The following GOLT1A variants were observed in gnomAD, a reference collection of about 807,000 sequenced individuals.
GOLT1A encodes the protein golgi transport 1A, also known as vesicle transport protein GOT1A.
A neutral mutation model predicts 16.1 loss-of-function variants in GOLT1A; 10 were observed. The observed-to-expected ratio is 0.62, with a 90% CI of 0.38 to 1.05. GOLT1A has a LOEUF of 1.05. Among genes scored for constraint, GOLT1A ranks in the 50% least tolerant of loss-of-function variants. The pLI, the probability that GOLT1A is intolerant of heterozygous loss-of-function variation, is 0.01. For synonymous variants in GOLT1A, 60 were observed against 67.9 expected, an observed-to-expected ratio of 0.88 and a Z score of 0.57; for missense variants, 137 against 165.7, an observed-to-expected ratio of 0.83 and a Z score of 0.95.
chr1:204,208,349 CATGT>C (rs1659077215), intron 1 of GOLT1A, among the ~76,000 whole-genome samples: 1 of 76,554 alleles, frequency 1.3e-5, no homozygotes, highest in South Asian at 3.9e-4. Context: ...TATATACACA[CATGT>C]ATGTATATAT....
intron 3 of GOLT1A, among the ~76,000 whole-genome samples, chr1:204,201,262 C>T (rs545578388): frequency 1.3e-5 from 2 of 152,176 alleles, no homozygotes; most frequent in East Asian, 3.9e-4. Flanking sequence ...AGAGGATAAT[C>T]CTATAGTGGG....
chr1:204,204,580 T>C (rs1247228097), intron 1 of GOLT1A, among the ~76,000 whole-genome samples: 1 of 152,262 alleles, frequency 6.6e-6, no homozygotes, highest in Non-Finnish European at 1.5e-5. Context: ...TCCATCCATC[T>C]CTTACCTATT....
In GOLT1A at chr1:204,201,620, G is replaced by T; in HGVS notation, c.296+13C>A. The T allele has an allele frequency of 6.2e-7, 1 of 1,613,752 alleles. No individual in the cohort carries two copies. Among genetic ancestry groups the T allele is most frequent in the Non-Finnish European group, 8.5e-7 (1 of 1,179,778 alleles). On this transcript the variant is annotated intron_variant, in intron 3 of 4. Transcript: ENST00000308302. Reference sequence around the variant, plus strand: ...TGGTGGGTCTGTCCAGGGTTATAGGGATTTGCACTCACTTAAAGAGGCTGA... The same window carrying T: ...TGGTGGGTCTGTCCAGGGTTATAGGTATTTGCACTCACTTAAAGAGGCTGA...
intron 1 of GOLT1A, among the ~76,000 whole-genome samples, chr1:204,212,830 C>T (rs574731024): frequency 3.4e-4 from 51 of 152,162 alleles, no homozygotes; most frequent in African/African-American, 1.1e-3. Flanking sequence ...CATCCCTGAC[C>T]TAAACTCCTA....
intron 3 of GOLT1A, among the ~76,000 whole-genome samples, chr1:204,201,237 C>T (rs1658951155): frequency 6.6e-6 from 1 of 152,202 alleles, no homozygotes; most frequent in Non-Finnish European, 1.5e-5. Flanking sequence ...GTGTTGGTTT[C>T]CTTATCTATG....
chr1:204,204,099 A>G (rs1159686539), intron 1 of GOLT1A, among the ~76,000 whole-genome samples: 1 of 152,198 alleles, frequency 6.6e-6, no homozygotes, highest in East Asian at 1.9e-4. Flanking sequence ...CTTTGCCACT[A>G]TGATAGTCAA....
intron 3 of GOLT1A, among the ~76,000 whole-genome samples, chr1:204,200,341 G>C (rs1421713401): frequency 2.2e-5 from 1 of 45,224 alleles, no homozygotes; most frequent in Non-Finnish European, 4.3e-5. Flanking sequence ...TTTTTTTTTT[G>C]AGAGAGAGAG....
Position 204,198,359 on chromosome 1 carries a change from C to A in GOLT1A, c.*99G>T, listed in dbSNP as rs150284220. Reference sequence around the variant, plus strand: ...TGGACTTGGGGAGGTCCGGATATGTCGGGGAGTGAGTCAGTGCAGGGGACT... The same window carrying A: ...TGGACTTGGGGAGGTCCGGATATGTAGGGGAGTGAGTCAGTGCAGGGGACT... On this transcript the variant is annotated 3_prime_UTR_variant, in exon 5 of 5. Transcript: ENST00000308302. 1 of 1,107,834 alleles carries A rather than the reference C, an allele frequency of 9.0e-7. No individual in the cohort carries two copies. The highest frequency in any genetic ancestry group is 2.4e-5 in the East Asian group (1 of 41,602). The allele number at this position is 1,107,834 out of a possible 1,614,324, so 68.6% of individuals were successfully genotyped here.
chr1:204,200,895 A>T (rs1159204962), intron 3 of GOLT1A, among the ~76,000 whole-genome samples: 2 of 152,070 alleles, frequency 1.3e-5, no homozygotes, highest in Non-Finnish European at 2.9e-5. Context: ...AGACATATGA[A>T]GTCTTCCTTC....
intron 1 of GOLT1A, among the ~76,000 whole-genome samples, chr1:204,211,092 G>A (rs1659130451): frequency 6.6e-6 from 1 of 151,820 alleles, no homozygotes; most frequent in African/African-American, 2.4e-5. Flanking sequence ...CTAATTCCCG[G>A]CCACGATCAT....
chr1:204,210,575 C>A (rs539012234), intron 1 of GOLT1A, among the ~76,000 whole-genome samples: 1 of 152,256 alleles, frequency 6.6e-6, no homozygotes, highest in African/African-American at 2.4e-5. Flanking sequence ...GGCACTTGGC[C>A]ACCATGCCCA....
chr1:204,203,244 G>A (rs575603049), intron 1 of GOLT1A, among the ~76,000 whole-genome samples: 2 of 152,308 alleles, frequency 1.3e-5, no homozygotes, highest in Admixed American at 1.3e-4. Flanking sequence ...GCAGCCCTGT[G>A]TGGAAGCTGG....
At chr1:204,213,586 G>A (rs1443824208) in intron 1 of GOLT1A, among the ~76,000 whole-genome samples, 1 of 152,146 alleles carries the variant, frequency 6.6e-6, no homozygotes, top group Non-Finnish European at 1.5e-5. Context: ...CCACCTTTGT[G>A]GCAACCCAGT....
chr1:204,209,748 T>A (rs148136831), intron 1 of GOLT1A, among the ~76,000 whole-genome samples: 111 of 152,308 alleles, frequency 7.3e-4, no homozygotes, highest in African/African-American at 2.4e-3. Context: ...TTGAACTTAG[T>A]CTTGAGCTCC....
At chr1:204,201,973 A>G (rs752947255) in intron 2 of GOLT1A, among the ~76,000 whole-genome samples, 162 bp from the exon 3 acceptor site, 2 of 152,124 alleles carry the variant, frequency 1.3e-5, no homozygotes, top group Non-Finnish European at 2.9e-5. Context: ...CAGAGCCTTG[A>G]TAAGTCTTGC....
At position 204,208,979 on chromosome 1, in the gene GOLT1A, G is replaced by A. The variant is rs192372410; in HGVS notation, c.25+4903C>T. 4.1e-4 allele frequency among the ~76,000 whole-genome samples: 63 copies of A among 152,258 alleles called. 2 individuals are homozygous for A. Among genetic ancestry groups the A allele is most frequent in the African/African-American group, 1.5e-3 (62 of 41,532 alleles). On this transcript the variant is annotated intron_variant, in intron 1 of 4. Transcript: ENST00000308302. ...TTAAGTTTCATCAGTTACTCCAGTA[G>A]CATCATTTATAGCAAAATAATCCAG...
At chr1:204,212,061 C>T (rs1329196800) in intron 1 of GOLT1A, among the ~76,000 whole-genome samples, 2 of 152,138 alleles carry the variant, frequency 1.3e-5, no homozygotes, top group Non-Finnish European at 2.9e-5. Flanking sequence ...CCTGGAACTC[C>T]AGACTCACAT....
chr1:204,211,828 G>A (rs903827399), intron 1 of GOLT1A, among the ~76,000 whole-genome samples: 2 of 152,146 alleles, frequency 1.3e-5, no homozygotes, highest in Non-Finnish European at 2.9e-5. Context: ...AACTTGGAGT[G>A]GGGGTGCTAC....
At chr1:204,212,934 A>G (rs956870146) in intron 1 of GOLT1A, among the ~76,000 whole-genome samples, 3 of 152,046 alleles carry the variant, frequency 2.0e-5, no homozygotes, top group African/African-American at 7.2e-5. Context: ...GGGCCTTTGC[A>G]CTGCCTGTCC....
Sources: gnomAD v4.1 joint callset for allele counts (sites outside exome capture counted in the v4.1 genomes callset) on GRCh38, gnomAD v4.1.1 for gene constraint, MANE v1.5 for transcripts, NCBI Gene and HGNC (gene_info 2026-07-23, HGNC 2026-07-21) for gene names.